UGT2B10: variants seen among roughly 807,000 people sequenced by gnomAD.
UGT2B10 encodes the protein UDP glucuronosyltransferase family 2 member B10, also known as UDP-glucuronosyltransferase 2B10.
A neutral mutation model predicts 43.7 loss-of-function variants in UGT2B10; 51 were observed. That is an observed-to-expected ratio of 1.17 (90% CI 0.93 to 1.47). The LOEUF is 1.47. Among genes scored for constraint, UGT2B10 ranks in the 40% most tolerant of loss-of-function variants. UGT2B10 has a pLI of 0.00. For missense variants in UGT2B10, 696 were observed against 617.7 expected (o/e 1.13, Z -1.34); for synonymous variants, 225 against 209.0 (o/e 1.08, Z -0.66).
intron 2 of UGT2B10, among the ~76,000 whole-genome samples, chr4:68,820,034 A>C (rs76957249): frequency 0.068 from 10,354 of 152,074 alleles, 390 homozygotes; most frequent in Non-Finnish European, 0.093. Context: ...AAGTTGAGGT[A>C]AGACTAATGA....
chr4:68,817,926 A>T, intron 1 of UGT2B10, 103 bp from the exon 2 acceptor site: 1 of 1,400,740 alleles, frequency 7.1e-7, no homozygotes, highest in Non-Finnish European at 9.6e-7. Context: ...AAGCACACAA[A>T]CTTTACCAAC....
chr4:68,819,712 G>A (rs1433368758), intron 2 of UGT2B10, among the ~76,000 whole-genome samples: 1 of 151,930 alleles, frequency 6.6e-6, no homozygotes, highest in African/African-American at 2.4e-5. Context: ...AACAATGCAT[G>A]TATAATAAAG....
In UGT2B10 at chr4:68,816,480, C is replaced by G. The variant is rs1220044971; in HGVS notation, c.461C>G (p.Pro154Arg). The change falls in exon 1 of 6, where the codon CCC becomes CGC. Residue 154 changes from proline to arginine, a missense_variant. Coordinates refer to ENST00000265403, the MANE Select transcript of UGT2B10 (RefSeq NM_001075.6). ...FDIVFADAYL[P>R]CGELLAELFN... is the part of the protein sequence containing the mutation. ...ATCGTTTTTGCAGATGCTTATTTAC[C>G]CTGTGGTGAGCTGCTGGCTGAGCTA... 2 of 1,612,866 alleles carry G rather than the reference C, an allele frequency of 1.2e-6. No homozygotes were observed. The highest frequency in any genetic ancestry group is 2.7e-5 in the African/African-American group (2 of 74,778).
chr4:68,818,042 A>G lies in UGT2B10; in HGVS notation c.732A>G (p.Thr244=). 6.2e-7 allele frequency: 1 copy of G among 1,609,690 alleles called. No homozygotes were observed. The highest frequency in any genetic ancestry group is 1.1e-5 in the South Asian group (1 of 89,998). The change falls in exon 2 of 6, where the codon ACA becomes ACG. Residue 244 remains threonine, a synonymous_variant. Coordinates refer to ENST00000265403, the MANE Select transcript of UGT2B10 (RefSeq NM_001075.6). ...FYSEVLGRPT[T]LSETMRKADI... is the part of the protein sequence containing the mutation. ...TATTCCTATCAGGAAGACCCACTAC[A>G]TTATCTGAGACAATGAGGAAAGCTG...
chr4:68,829,816 C>T (rs778539732), intron 5 of UGT2B10, among the ~76,000 whole-genome samples: 27 of 152,062 alleles, frequency 1.8e-4, no homozygotes, highest in Non-Finnish European at 1.5e-4. Flanking sequence ...TAGAAAAAGA[C>T]CTTGCCAGTG....
At chr4:68,825,525 G>A (rs573779984) in intron 3 of UGT2B10, among the ~76,000 whole-genome samples, 62 of 151,892 alleles carry the variant, frequency 4.1e-4, no homozygotes, top group Non-Finnish European at 7.8e-4. Flanking sequence ...AGTGTATGTT[G>A]TTGCCTTCTA....
rs1737215671 is a variant in UGT2B10 at position 68,816,481 on chromosome 4, C to T, written c.462C>T (p.Pro154=). The T allele has an allele frequency of 5.6e-6, 9 of 1,613,178 alleles. No homozygotes were observed. The highest frequency in any genetic ancestry group is 7.6e-6 in the Non-Finnish European group (9 of 1,179,430). Residue 154 remains proline (P), a synonymous_variant, in exon 1 of 6, where the codon CCC becomes CCT. Coordinates refer to ENST00000265403, the MANE Select transcript of UGT2B10 (RefSeq NM_001075.6). ...FDIVFADAYL[P]CGELLAELFN... is the part of the protein sequence containing the mutation. ...TCGTTTTTGCAGATGCTTATTTACC[C>T]TGTGGTGAGCTGCTGGCTGAGCTAT... is the stretch of plus-strand genomic sequence containing the variant.
intron 4 of UGT2B10, 144 bp downstream of exon 4, chr4:68,826,641 A>G: frequency 9.6e-7 from 1 of 1,043,796 alleles, no homozygotes. Flanking sequence ...TCCTAGGGGA[A>G]AAGAATATGT....
intron 5 of UGT2B10, among the ~76,000 whole-genome samples, chr4:68,829,731 T>G (rs1737990420): frequency 6.6e-6 from 1 of 151,960 alleles, no homozygotes; most frequent in African/African-American, 2.4e-5. Context: ...TGTAAAGTGC[T>G]AAGATGAGAA....
At position 68,827,449 on chromosome 4, in the gene UGT2B10, C is replaced by T. The variant is rs756281874; in HGVS notation, c.1208C>T (p.Ala403Val). 3.1e-6 allele frequency: 5 copies of T among 1,613,432 alleles called. No individual in the cohort carries two copies. In the Admixed American group the frequency reaches 5.0e-5, roughly 16 times the overall value. ...TTTTTTGATCAACCTGATAATATTGCTCACATGAAGGCCAAGGGAGCAGCT... is the reference window on the plus strand; with the variant it reads ...TTTTTTGATCAACCTGATAATATTGTTCACATGAAGGCCAAGGGAGCAGCT... ...PLFFDQPDNI[A>V]HMKAKGAAVR... The change falls in exon 5 of 6, where the codon GCT becomes GTT. Residue 403 changes from alanine (A) to valine (V), a missense_variant. Coordinates refer to ENST00000265403, the MANE Select transcript of UGT2B10 (RefSeq NM_001075.6).
chr4:68,827,019 T>C (rs1044852300), intron 4 of UGT2B10, among the ~76,000 whole-genome samples: 21 of 152,034 alleles, frequency 1.4e-4, no homozygotes, highest in Non-Finnish European at 1.5e-5. Context: ...TGACTGTACT[T>C]AGAATAACAC....
chr4:68,822,956 T>C (rs1201634337), intron 3 of UGT2B10, among the ~76,000 whole-genome samples: 2 of 151,886 alleles, frequency 1.3e-5, no homozygotes, highest in Non-Finnish European at 2.9e-5. Context: ...CTATTACTTA[T>C]TGTACTCTGG....
intron 2 of UGT2B10, among the ~76,000 whole-genome samples, chr4:68,821,502 C>T (rs4694344): frequency 3.6e-4 from 55 of 152,232 alleles, no homozygotes; most frequent in Admixed American, 2.6e-3. Flanking sequence ...GCAATACGTG[C>T]TCCACCTAAA....
intron 5 of UGT2B10, 29 bp from the exon 6 acceptor site, chr4:68,830,571 G>T: frequency 6.3e-7 from 1 of 1,580,706 alleles, no homozygotes; most frequent in Non-Finnish European, 8.6e-7. Context: ...CTTACTTTCA[G>T]TGTCGGTATC....
Position 68,822,348 on chromosome 4 carries a change from G to A in UGT2B10, c.945G>A (p.Met315Ile), listed in dbSNP as rs782044106. The A allele has an allele frequency of 9.9e-6, 16 of 1,613,724 alleles. 1 individual carries two copies. The South Asian group carries it at 1.4e-4, about 14-fold the overall frequency. The change falls in exon 3 of 6, where the codon ATG (methionine) becomes ATA (isoleucine). Residue 315 changes from methionine (M) to isoleucine (I), a missense_variant. Transcript: ENST00000265403. ...VFSLGSMVSN[M>I]TEERANVIAT... ...CTCTGGGGTCAATGGTCAGTAACAT[G>A]ACAGAAGAAAGGGCCAACGTAATTG...
In UGT2B10 at chr4:68,816,018, G is replaced by T. The variant is rs752513987; in HGVS notation, c.-2G>T. The T allele has an allele frequency of 1.6e-5, 26 of 1,612,436 alleles. No individual in the cohort carries two copies. Among genetic ancestry groups the T allele is most frequent in the Non-Finnish European group, 2.1e-5 (25 of 1,178,914 alleles). On this transcript the variant is annotated 5_prime_UTR_variant, in exon 1 of 6. It adds an upstream start codon to the 5' untranslated region. Transcript: ENST00000265403. ...GGAAAAGAATTATCACATTGCACAA[G>T]GATGGCTCTGAAATGGACTACAGTT...
chr4:68,829,390 A>G (rs1173504805), intron 5 of UGT2B10, among the ~76,000 whole-genome samples: 1 of 152,090 alleles, frequency 6.6e-6, no homozygotes, highest in Non-Finnish European at 1.5e-5. Flanking sequence ...CATGAACTGA[A>G]CAATAGGTAA....
intron 5 of UGT2B10, 89 bp downstream of exon 5, chr4:68,827,637 G>C (rs1443992096): frequency 1.9e-6 from 3 of 1,540,944 alleles, no homozygotes; most frequent in South Asian, 2.5e-5. Context: ...TTTTATAAGA[G>C]AGTGATTTTG....
chr4:68,820,892 A>G (rs1236680204), intron 2 of UGT2B10, among the ~76,000 whole-genome samples: 1 of 152,110 alleles, frequency 6.6e-6, no homozygotes, highest in East Asian at 1.9e-4. Flanking sequence ...AGGAGAAACA[A>G]CCAGTCAATA....
Sources: gnomAD v4.1 joint callset for allele counts (sites outside exome capture counted in the v4.1 genomes callset) on GRCh38, gnomAD v4.1.1 for gene constraint, MANE v1.5 for transcripts, NCBI Gene and HGNC (gene_info 2026-07-23, HGNC 2026-07-21) for gene names.